SLC6A11: variants seen among roughly 807,000 people sequenced by gnomAD.
SLC6A11 encodes sodium- and chloride-dependent GABA transporter 3.
SLC6A11 carries 25 observed loss-of-function variants against 74.8 expected under a neutral mutation model. The observed-to-expected ratio is 0.33, with a 90% CI of 0.24 to 0.47. The LOEUF (loss-of-function observed/expected upper bound fraction) is 0.47. Ranked by LOEUF, SLC6A11 falls within the 20% of genes least tolerant of loss-of-function variation. SLC6A11 has a pLI of 1.00. For synonymous variants in SLC6A11, 330 were observed against 330.2 expected, an observed-to-expected ratio of 1.00 and a Z score of 0.01; for missense variants, 574 against 837.0, an observed-to-expected ratio of 0.69 and a Z score of 3.88.
At chr3:10,874,139 C>A (rs1694880657) in intron 5 of SLC6A11, among the ~76,000 whole-genome samples, 1 of 152,106 alleles carries the variant, frequency 6.6e-6, no homozygotes. Context: ...GGTATTGACC[C>A]AACAGTGAAT....
In SLC6A11 at chr3:10,848,663, G is replaced by A. The variant is rs144180793; in HGVS notation, c.756+4317G>A. On this transcript the variant is annotated intron_variant, in intron 5 of 13. Transcript: ENST00000254488. ...GCCGGGGATACACCAGAGAGACACT[G>A]GACAGCCTTGTCTCCGCAGAGCATG... Among the ~76,000 whole-genome samples the A allele has an allele frequency of 7.2e-3, 1,102 of 152,312 alleles. 10 individuals carry two copies. Among genetic ancestry groups the A allele is most frequent in the African/African-American group, 0.025 (1,033 of 41,574 alleles).
At chr3:10,872,819 C>T (rs551274178) in intron 5 of SLC6A11, among the ~76,000 whole-genome samples, 1 of 152,314 alleles carries the variant, frequency 6.6e-6, no homozygotes, top group East Asian at 1.9e-4. Flanking sequence ...CTGGAAGTCT[C>T]AGGGCATAGA....
At chr3:10,931,384 A>G (rs1169437941) in intron 10 of SLC6A11, among the ~76,000 whole-genome samples, 1 of 151,848 alleles carries the variant, frequency 6.6e-6, no homozygotes, top group Non-Finnish European at 1.5e-5. Flanking sequence ...ATGGGAGGAG[A>G]GCAACGGGAG....
At chr3:10,830,580 AG>A (rs1405493921) in intron 4 of SLC6A11, among the ~76,000 whole-genome samples, 1 of 152,158 alleles carries the variant, frequency 6.6e-6, no homozygotes, top group African/African-American at 2.4e-5. Flanking sequence ...CAGCAGGTTT[AG>A]GGGGCAGAAA....
chr3:10,858,806 C>G (rs1694668383), intron 5 of SLC6A11, among the ~76,000 whole-genome samples: 1 of 152,184 alleles, frequency 6.6e-6, no homozygotes, highest in Non-Finnish European at 1.5e-5. Context: ...TAAACACCTA[C>G]TGGGTTTTAG....
intron 5 of SLC6A11, 132 bp downstream of exon 5, chr3:10,844,478 C>A (rs140474979): frequency 0.014 from 15,202 of 1,071,490 alleles, 153 homozygotes; most frequent in Non-Finnish European, 0.015. Flanking sequence ...AACACTGGAC[C>A]AGAGTGAGCT....
At chr3:10,831,116 C>T (rs1298953525) in intron 4 of SLC6A11, among the ~76,000 whole-genome samples, 1 of 152,194 alleles carries the variant, frequency 6.6e-6, no homozygotes, top group Non-Finnish European at 1.5e-5. Context: ...TCTAATCTCA[C>T]ATGTCCTCAG....
chr3:10,829,079 G>C (rs1694257505), intron 4 of SLC6A11, among the ~76,000 whole-genome samples: 1 of 152,190 alleles, frequency 6.6e-6, no homozygotes, highest in African/African-American at 2.4e-5. Context: ...GCAAGGCTGA[G>C]AAGAGAATTG....
chr3:10,929,143 C>G lies in SLC6A11; in HGVS notation c.1234-59C>G, dbSNP rs1438670393. ...CAGGCCTGCTGCGCTTGCCCAGAGC[C>G]TGGGCCACCAGGAGCAGCCTTGTCC... On this transcript the variant is annotated intron_variant, in intron 9 of 13. Transcript: ENST00000254488. The G allele has an allele frequency of 3.1e-6, 5 of 1,592,752 alleles. No individual in the cohort carries two copies. In the East Asian group the frequency reaches 6.7e-5, roughly 21 times the overall value.
chr3:10,866,218 G>A (rs371852040), intron 5 of SLC6A11, among the ~76,000 whole-genome samples: 1 of 152,222 alleles, frequency 6.6e-6, no homozygotes, highest in African/African-American at 2.4e-5. Flanking sequence ...AAGAAAGGAA[G>A]GATGGGTTAC....
intron 4 of SLC6A11, among the ~76,000 whole-genome samples, chr3:10,841,933 A>G (rs764232503): frequency 6.6e-6 from 1 of 152,222 alleles, no homozygotes; most frequent in Non-Finnish European, 1.5e-5. Flanking sequence ...GGGCTGGTGC[A>G]GAGTACACCT....
intron 5 of SLC6A11, among the ~76,000 whole-genome samples, chr3:10,871,374 T>C (rs1013371427): frequency 1.3e-5 from 2 of 152,236 alleles, no homozygotes; most frequent in Non-Finnish European, 2.9e-5. Context: ...GGAATTAAGA[T>C]AGCTGAGTTC....
intron 4 of SLC6A11, 63 bp downstream of exon 4, chr3:10,823,455 G>A: frequency 1.8e-6 from 2 of 1,119,420 alleles, no homozygotes; most frequent in African/African-American, 3.0e-5. Flanking sequence ...CTGCTCAGTT[G>A]GTCTTGCCCC....
intron 5 of SLC6A11, among the ~76,000 whole-genome samples, chr3:10,849,769 T>C (rs1694548406): frequency 7.2e-6 from 1 of 139,602 alleles, no homozygotes; most frequent in Non-Finnish European, 1.5e-5. Flanking sequence ...ATTTTTCTAG[T>C]ATCTCTGTGC....
chr3:10,859,044 G>A (rs1003548927), intron 5 of SLC6A11, among the ~76,000 whole-genome samples: 3 of 152,200 alleles, frequency 2.0e-5, no homozygotes, highest in Non-Finnish European at 4.4e-5. Context: ...GTAAGAAATT[G>A]AGAGCAATGG....
intron 6 of SLC6A11, among the ~76,000 whole-genome samples, chr3:10,894,776 C>T (rs562085558): frequency 2.0e-5 from 3 of 152,112 alleles, no homozygotes; most frequent in East Asian, 1.9e-4. Context: ...ACTTGAAAAT[C>T]GCTAAGAGAA....
Position 10,892,878 on chromosome 3 carries a change from G to A in SLC6A11, c.891+17783G>A, listed in dbSNP as rs1386674932. Among the ~76,000 whole-genome samples, 8 of 152,186 alleles carry A rather than the reference G, an allele frequency of 5.3e-5. 1 individual carries two copies. Among genetic ancestry groups the A allele is most frequent in the East Asian group, 3.9e-4 (2 of 5,194 alleles). On this transcript the variant is annotated intron_variant, in intron 6 of 13. Transcript: ENST00000254488. ...GGATTTCCCAAGGCTGTGGAAGTGCGTGGGGGAAACGGGTTGGGTGAATGT... is the reference window on the plus strand; with the variant it reads ...GGATTTCCCAAGGCTGTGGAAGTGCATGGGGGAAACGGGTTGGGTGAATGT...
chr3:10,852,888 T>C (rs1481376095), intron 5 of SLC6A11, among the ~76,000 whole-genome samples: 1 of 152,200 alleles, frequency 6.6e-6, no homozygotes, highest in African/African-American at 2.4e-5. Flanking sequence ...AAAGAATGAT[T>C]AGCTCTCAGG....
rs781442469 is a variant in SLC6A11 at position 10,918,469 on chromosome 3, G to A, written c.1120+16G>A. The A allele has an allele frequency of 6.2e-7, 1 of 1,601,032 alleles. No homozygotes were observed. The highest frequency in any genetic ancestry group is 8.5e-7 in the Non-Finnish European group (1 of 1,175,088). On this transcript the variant is annotated intron_variant, in intron 8 of 13. Transcript: ENST00000254488. The surrounding 1 kb of genome is among the most constrained non-coding windows in gnomAD (Gnocchi z 4.5). ...GCAGAGTCAGGTAAGTTCGCCAAAG[G>A]TGGGGATGGAAAAGGCGGCAAGGGA...
Sources: allele counts gnomAD v4.1 joint callset (sites outside exome capture counted in the v4.1 genomes callset), GRCh38; gene constraint gnomAD v4.1.1; non-coding constraint Gnocchi (gnomAD v3.1); transcripts MANE v1.5; gene names NCBI Gene and HGNC (gene_info 2026-07-23, HGNC 2026-07-21).